The following SGCD variants were observed in gnomAD, a reference collection of about 807,000 sequenced individuals.
SGCD encodes sarcoglycan delta.
Under a neutral mutation model 36.6 loss-of-function variants are expected in SGCD, and 18 were observed. The observed-to-expected ratio is 0.49, with a 90% CI of 0.34 to 0.73. The LOEUF (loss-of-function observed/expected upper bound fraction) is 0.73, where lower values mean the gene tolerates loss of function less well. Among genes scored for constraint, SGCD ranks in the 30% least tolerant of loss-of-function variants. SGCD has a pLI of 0.01. For missense variants in SGCD, 387 were observed against 346.7 expected (o/e 1.12, Z -0.92); for synonymous variants, 133 against 130.6 (o/e 1.02, Z -0.12).
In SGCD at chr5:156,724,304, T is replaced by C. The variant is rs371782080; in HGVS notation, c.576-33277T>C. Among the ~76,000 whole-genome samples the C allele has an allele frequency of 5.3e-4, 80 of 152,254 alleles. 1 individual carries two copies. Among genetic ancestry groups the C allele is most frequent in the African/African-American group, 1.9e-3 (79 of 41,542 alleles). On this transcript the variant is annotated intron_variant, in intron 7 of 8. Coordinates refer to ENST00000337851, the MANE Select transcript of SGCD (RefSeq NM_000337.6). ...AATGGAGCAAGATGTAACTGTGGCA[T>C]AAGAAAATATAACTAGATACCCGGG...
chr5:156,518,130 A>G (rs1308039555), intron 4 of SGCD, among the ~76,000 whole-genome samples: 1 of 152,220 alleles, frequency 6.6e-6, no homozygotes, highest in African/African-American at 2.4e-5. Flanking sequence ...GCTAAAAATA[A>G]AGTAATGGAG....
the SGCD span, among the ~76,000 whole-genome samples, chr5:155,837,663 A>G: frequency 6.6e-6 from 1 of 152,188 alleles, no homozygotes; most frequent in Non-Finnish European, 1.5e-5. Flanking sequence ...CAACTCCTGT[A>G]TTGTAGCAGA....
At chr5:156,337,185 G>C (rs1768398395) in intron 2 of SGCD, among the ~76,000 whole-genome samples, 1 of 152,132 alleles carries the variant, frequency 6.6e-6, no homozygotes, top group Non-Finnish European at 1.5e-5. Context: ...ATTCAAAATG[G>C]CTTAGATTCC....
intron 3 of SGCD, among the ~76,000 whole-genome samples, chr5:156,131,706 A>G (rs1255491509): frequency 6.6e-6 from 1 of 152,220 alleles, no homozygotes; most frequent in Non-Finnish European, 1.5e-5. Context: ...AAAAAAAGGC[A>G]TTTAATTACT....
chr5:156,308,022 A>G (rs1295275770), intron 3 of SGCD, among the ~76,000 whole-genome samples: 1 of 152,174 alleles, frequency 6.6e-6, no homozygotes, highest in Non-Finnish European at 1.5e-5. Context: ...GAAGTTACAC[A>G]CCATTTTTAC....
At chr5:156,596,218 CT>C in intron 6 of SGCD, among the ~76,000 whole-genome samples, 1 of 152,140 alleles carries the variant, frequency 6.6e-6, no homozygotes, top group African/African-American at 2.4e-5. Context: ...ACTATTAATG[CT>C]AATTCTACTT....
intron 3 of SGCD, among the ~76,000 whole-genome samples, chr5:156,428,627 T>G (rs1369374622): frequency 6.6e-6 from 1 of 152,146 alleles, no homozygotes. Flanking sequence ...AGTGTAACCT[T>G]AGATTGTCTG....
intron 3 of SGCD, among the ~76,000 whole-genome samples, chr5:156,421,095 A>G (rs989952172): frequency 9.2e-5 from 14 of 152,090 alleles, no homozygotes; most frequent in Non-Finnish European, 1.8e-4. Context: ...TACATAAATA[A>G]TTAAGAAATG....
intron 6 of SGCD, among the ~76,000 whole-genome samples, chr5:156,627,146 C>G (rs954944827): frequency 1.3e-5 from 2 of 152,136 alleles, no homozygotes; most frequent in African/African-American, 4.8e-5. Flanking sequence ...GTTCTTTGCT[C>G]TAATGAATTA....
intron 3 of SGCD, among the ~76,000 whole-genome samples, chr5:156,250,161 T>A (rs1385874161): frequency 6.6e-6 from 1 of 152,224 alleles, no homozygotes; most frequent in Non-Finnish European, 1.5e-5. Context: ...TCAATTTTGA[T>A]TTCTTCTTTT....
chr5:156,344,370 A>G (rs1768829213), intron 2 of SGCD, 119 bp from the exon 3 acceptor site: 2 of 663,904 alleles, frequency 3.0e-6, no homozygotes, highest in East Asian at 6.2e-5. Flanking sequence ...GTCAGAGGGT[A>G]TAAAAGTAGA....
chr5:156,318,116 T>C (rs1767566295), intron 3 of SGCD, among the ~76,000 whole-genome samples: 1 of 152,190 alleles, frequency 6.6e-6, no homozygotes, highest in Non-Finnish European at 1.5e-5. Context: ...CTCTCAATGA[T>C]AGACTCACAC....
chr5:156,246,732 A>G (rs575351724), intron 3 of SGCD, among the ~76,000 whole-genome samples: 3 of 152,336 alleles, frequency 2.0e-5, no homozygotes, highest in East Asian at 3.9e-4. Context: ...AATTTAAGCC[A>G]CAAGGTAGTG....
At chr5:156,254,272 A>C (rs1179312704) in intron 3 of SGCD, among the ~76,000 whole-genome samples, 1 of 152,192 alleles carries the variant, frequency 6.6e-6, no homozygotes, top group Non-Finnish European at 1.5e-5. Flanking sequence ...ACTGCACAAC[A>C]TGCAACTTAG....
chr5:156,465,391 TA>T (rs1455933927), intron 3 of SGCD, among the ~76,000 whole-genome samples: 1 of 152,160 alleles, frequency 6.6e-6, no homozygotes, highest in African/African-American at 2.4e-5. Context: ...TGAATTGATA[TA>T]CCTTGTTAAC....
intron 7 of SGCD, among the ~76,000 whole-genome samples, chr5:156,723,390 T>C (rs1755608871): frequency 6.6e-6 from 1 of 152,198 alleles, no homozygotes; most frequent in South Asian, 2.1e-4. Flanking sequence ...AACACCTATT[T>C]ATTATAGACT....
intron 4 of SGCD, among the ~76,000 whole-genome samples, chr5:156,556,989 C>T (rs1759051248): frequency 6.6e-6 from 1 of 152,100 alleles, no homozygotes; most frequent in Non-Finnish European, 1.5e-5. Flanking sequence ...ATAAGTGTAC[C>T]TTGCTGTCTG....
chr5:156,521,382 C>T (rs1757397079), intron 4 of SGCD, among the ~76,000 whole-genome samples: 1 of 152,032 alleles, frequency 6.6e-6, no homozygotes, highest in African/African-American at 2.4e-5. Flanking sequence ...AGAGCTTCTG[C>T]ACAGCCAAAG....
intron 7 of SGCD, among the ~76,000 whole-genome samples, chr5:156,713,832 C>T (rs530368978): frequency 6.6e-6 from 1 of 152,174 alleles, no homozygotes; most frequent in Non-Finnish European, 1.5e-5. Flanking sequence ...CCCAACTAAA[C>T]AAGGAGTTAC....
Sources: gnomAD v4.1 joint callset for allele counts (sites outside exome capture counted in the v4.1 genomes callset) on GRCh38, gnomAD v4.1.1 for gene constraint, MANE v1.5 for transcripts, NCBI Gene and HGNC (gene_info 2026-07-23, HGNC 2026-07-21) for gene names.